SGSM1: variants seen among roughly 807,000 people sequenced by gnomAD.
SGSM1 encodes the protein RUN and TBC1 domain containing 2.
Under a neutral mutation model 133.8 loss-of-function variants are expected in SGSM1, and 73 were observed. That is an observed-to-expected ratio of 0.55 (90% CI 0.45 to 0.66). The LOEUF (loss-of-function observed/expected upper bound fraction) is 0.66, where lower values mean the gene tolerates loss of function less well. Ranked by LOEUF, SGSM1 falls within the 30% of genes least tolerant of loss-of-function variation. The pLI is 0.00. For missense variants in SGSM1, 1,213 were observed against 1,448.1 expected (o/e 0.84, Z 2.64); for synonymous variants, 563 against 573.0 (o/e 0.98, Z 0.25).
At position 24,868,360 on chromosome 22, in the gene SGSM1, C is replaced by T; in HGVS notation, c.995-16C>T. ...GTGACTTCCACTGGGTCTTCTCTGG[C>T]TGGTGGTGGCGGCAGTTGACAGCGG... is the stretch of plus-strand genomic sequence containing the variant. On this transcript the variant is annotated splice_polypyrimidine_tract_variant and intron_variant, in intron 10 of 24. Coordinates refer to ENST00000400358, the MANE Select transcript of SGSM1 (RefSeq NM_001098497.3). 1 of 1,602,890 alleles carries T rather than the reference C, an allele frequency of 6.2e-7. No individual in the cohort carries two copies. The highest frequency in any genetic ancestry group is 8.5e-7 in the Non-Finnish European group (1 of 1,172,798).
intron 16 of SGSM1, among the ~76,000 whole-genome samples, chr22:24,890,336 T>A (rs1239140602): frequency 6.6e-6 from 1 of 152,108 alleles, no homozygotes; most frequent in Non-Finnish European, 1.5e-5. Flanking sequence ...TCGAGAAGCA[T>A]TTGTAATTAT....
At chr22:24,863,783 C>G (rs2147867449) in intron 9 of SGSM1, among the ~76,000 whole-genome samples, 1 of 148,208 alleles carries the variant, frequency 6.7e-6, no homozygotes, top group East Asian at 2.0e-4. Context: ...CTCTTGTGGT[C>G]CAGGCTGGAG....
At position 24,898,214 on chromosome 22, in the gene SGSM1, C is replaced by T. The variant is rs752909421; in HGVS notation, c.2265C>T (p.Ser755=). ...CGGTGCTGCGACCTAGGGATGGCAG[C>T]GTGGATGACAGGCAGAGCAGCGAGG... The part of the protein sequence containing the change: ...TPTVLRPRDG[S]VDDRQSSEAT... Residue 755 remains serine, a synonymous_variant, in exon 19 of 25, where the codon AGC becomes AGT. Transcript: ENST00000400358. 35 of 1,613,384 alleles carry T rather than the reference C, an allele frequency of 2.2e-5. No individual in the cohort carries two copies. Among genetic ancestry groups the T allele is most frequent in the South Asian group, 5.5e-5 (5 of 91,076 alleles).
chr22:24,882,599 T>A (rs1398117075), intron 14 of SGSM1, among the ~76,000 whole-genome samples: 1 of 152,198 alleles, frequency 6.6e-6, no homozygotes, highest in Non-Finnish European at 1.5e-5. Flanking sequence ...TACCATCCAA[T>A]ACAAGAACGT....
intron 21 of SGSM1, among the ~76,000 whole-genome samples, chr22:24,910,361 A>T (rs913133720): frequency 6.6e-6 from 1 of 152,094 alleles, no homozygotes; most frequent in African/African-American, 2.4e-5. Context: ...TAAACCTGTT[A>T]AAAAAATGGG....
At chr22:24,919,398 A>G (rs1933929109) in intron 23 of SGSM1, among the ~76,000 whole-genome samples, 1 of 152,090 alleles carries the variant, frequency 6.6e-6, no homozygotes, top group Non-Finnish European at 1.5e-5. Flanking sequence ...CACTAGACTC[A>G]GAGGCCACAG....
At chr22:24,886,572 A>G (rs1221757359) in intron 15 of SGSM1, 28 bp from the exon 16 acceptor site, 7 of 1,547,258 alleles carry the variant, frequency 4.5e-6, no homozygotes, top group Non-Finnish European at 6.1e-6. Context: ...TGTTGACCAA[A>G]CTCTTTGCTC....
At chr22:24,823,972 TCA>T (rs1399446670) in intron 2 of SGSM1, among the ~76,000 whole-genome samples, 2 of 152,210 alleles carry the variant, frequency 1.3e-5, no homozygotes, top group African/African-American at 4.8e-5. Flanking sequence ...ATCACCCATT[TCA>T]CAGATGGGAA....
At chr22:24,816,862 C>A (rs987984413) in intron 2 of SGSM1, among the ~76,000 whole-genome samples, 42 of 152,256 alleles carry the variant, frequency 2.8e-4, no homozygotes, top group African/African-American at 1.0e-3. Flanking sequence ...GCACATTCTG[C>A]CAGCTTGGCA....
intron 2 of SGSM1, among the ~76,000 whole-genome samples, chr22:24,810,190 C>A (rs1927652679): frequency 6.6e-6 from 1 of 152,142 alleles, no homozygotes; most frequent in Non-Finnish European, 1.5e-5. Flanking sequence ...CTGGCCTGTT[C>A]ACTGCACAAT....
rs1054552660 is a variant in SGSM1, at chr22:24,867,047, GGGGTA to G, written c.927-43_927-39del. ...TGGCCTCTGAGCCCCTCCGCACAGTGGGGTAGGCAGAAGTCCTGCAAGCCTGACCC... is the reference window on the plus strand; with the variant it reads ...TGGCCTCTGAGCCCCTCCGCACAGTGGGCAGAAGTCCTGCAAGCCTGACCC... On this transcript the variant is annotated intron_variant, in intron 9 of 24. Coordinates refer to ENST00000400358, the MANE Select transcript of SGSM1 (RefSeq NM_001098497.3). 3.8e-6 allele frequency: 6 copies of G among 1,595,936 alleles called. No homozygotes were observed. In the African/African-American group the frequency reaches 8.0e-5, roughly 21 times the overall value.
chr22:24,909,413 G>A lies in SGSM1; in HGVS notation c.2819-3230G>A, dbSNP rs78015247. Among the ~76,000 whole-genome samples the A allele has an allele frequency of 8.5e-3, 1,298 of 152,088 alleles. 5 individuals are homozygous for A. Among genetic ancestry groups the A allele is most frequent in the Middle Eastern group, 0.034 (10 of 294 alleles). On this transcript the variant is annotated intron_variant, in intron 21 of 24. Transcript: ENST00000400358. ...TTGGAAGCTTTGGACATTGCTGGTGGAATTGTAAAATGGTTTGGCCACTTT... is the reference window on the plus strand; with the variant it reads ...TTGGAAGCTTTGGACATTGCTGGTGAAATTGTAAAATGGTTTGGCCACTTT...
intron 2 of SGSM1, among the ~76,000 whole-genome samples, chr22:24,808,373 C>T (rs1927540679): frequency 6.6e-6 from 1 of 152,136 alleles, no homozygotes; most frequent in African/African-American, 2.4e-5. Flanking sequence ...CTCGGCCTCC[C>T]AAAGTGCTGG....
At chr22:24,841,112 AG>A (rs2147827329) in intron 2 of SGSM1, among the ~76,000 whole-genome samples, 1 of 152,114 alleles carries the variant, frequency 6.6e-6, no homozygotes, top group East Asian at 1.9e-4. Flanking sequence ...GGCCTCCCAA[AG>A]TGCTGGGATT....
chr22:24,843,252 G>A (rs1293351940), intron 2 of SGSM1, among the ~76,000 whole-genome samples: 2 of 152,066 alleles, frequency 1.3e-5, no homozygotes, highest in East Asian at 1.9e-4. Context: ...TGTTCACAGC[G>A]CTGGTGCTGA....
Position 24,855,066 on chromosome 22 carries a change from A to G in SGSM1, c.523+3A>G. 1.9e-6 allele frequency: 3 copies of G among 1,612,454 alleles called. No individual in the cohort carries two copies. In the South Asian group the frequency reaches 3.3e-5, roughly 18 times the overall value. ...CCCCATCCTTGCATCTTTGTTGGGTAAGTTGTCCTGTGTGCTGAGCTTCAT... is the reference window on the plus strand; with the variant it reads ...CCCCATCCTTGCATCTTTGTTGGGTGAGTTGTCCTGTGTGCTGAGCTTCAT... On this transcript the variant is annotated splice_donor_region_variant and intron_variant, in intron 6 of 24. Transcript: ENST00000400358.
intron 2 of SGSM1, among the ~76,000 whole-genome samples, chr22:24,836,242 C>T (rs1321518422): frequency 2.6e-5 from 4 of 152,176 alleles, no homozygotes; most frequent in African/African-American, 9.7e-5. Context: ...CTTAGCACAG[C>T]GTCCTCAAGG....
intron 2 of SGSM1, among the ~76,000 whole-genome samples, chr22:24,842,641 A>G (rs889085075): frequency 1.3e-5 from 2 of 152,088 alleles, no homozygotes; most frequent in Non-Finnish European, 2.9e-5. Context: ...TACTGACCAA[A>G]TGTTACACGT....
At chr22:24,820,860 G>A (rs1227619669) in intron 2 of SGSM1, among the ~76,000 whole-genome samples, 9 of 152,192 alleles carry the variant, frequency 5.9e-5, no homozygotes. Flanking sequence ...GATAATGACC[G>A]TGCAAACAGA....
Sources: gnomAD v4.1 joint callset for allele counts (sites outside exome capture counted in the v4.1 genomes callset) on GRCh38, gnomAD v4.1.1 for gene constraint, MANE v1.5 for transcripts, NCBI Gene and HGNC (gene_info 2026-07-23, HGNC 2026-07-21) for gene names.